MAPK10: variants seen among roughly 807,000 people sequenced by gnomAD.
The protein encoded by MAPK10 is mitogen-activated protein kinase 10.
Under a neutral mutation model 59.3 loss-of-function variants are expected in MAPK10, and 25 were observed. That is an observed-to-expected ratio of 0.42 (90% CI 0.31 to 0.59). MAPK10 has a LOEUF of 0.59. Ranked by LOEUF, MAPK10 falls within the 20% of genes least tolerant of loss-of-function variation. MAPK10 has a pLI of 0.15. For missense variants in MAPK10, 351 were observed against 568.9 expected (o/e 0.62, Z 3.90); for synonymous variants, 190 against 200.5 (o/e 0.95, Z 0.44).
chr4:86,384,328 A>T (rs1741176366), intron 1 of MAPK10: 1 of 152,186 alleles, frequency 6.6e-6, no homozygotes, highest in Non-Finnish European at 1.5e-5. Flanking sequence ...CAGGGCAAAG[A>T]TAATAGCAAG....
chr4:86,290,626 G>T (rs1038199851), intron 2 of MAPK10, among the ~76,000 whole-genome samples: 17 of 152,034 alleles, frequency 1.1e-4, no homozygotes, highest in African/African-American at 4.1e-4. Context: ...AGGGTTTTGG[G>T]TCTCTTTTAT....
At chr4:86,183,294 C>G (rs1040622543) in intron 3 of MAPK10, among the ~76,000 whole-genome samples, 15 of 147,618 alleles carry the variant, frequency 1.0e-4, no homozygotes, top group African/African-American at 3.8e-4. Flanking sequence ...CCCCCCTCCC[C>G]CTACCCCACA....
intron 11 of MAPK10, among the ~76,000 whole-genome samples, chr4:86,049,905 T>C (rs1176010892): frequency 6.6e-6 from 1 of 152,148 alleles, no homozygotes; most frequent in African/African-American, 2.4e-5. Context: ...CTGATTAAAA[T>C]CTGTTCCCCC....
At chr4:86,140,755 G>T (rs549314342) in intron 4 of MAPK10, among the ~76,000 whole-genome samples, 27 of 151,970 alleles carry the variant, frequency 1.8e-4, no homozygotes, top group African/African-American at 6.5e-4. Flanking sequence ...ACACATACAT[G>T]TGTATGCACA....
chr4:86,538,325 T>G (rs1758409200), intron 1 of MAPK10, among the ~76,000 whole-genome samples: 1 of 152,094 alleles, frequency 6.6e-6, no homozygotes, highest in Admixed American at 6.5e-5. Flanking sequence ...TTTGTGTTTT[T>G]AGTAGAGATG....
intron 4 of MAPK10, among the ~76,000 whole-genome samples, chr4:86,156,995 T>A (rs1327479823): frequency 3.3e-5 from 5 of 151,684 alleles, no homozygotes; most frequent in Admixed American, 2.0e-4. Context: ...AAAATTTTCA[T>A]TTTTTTCCAA....
chr4:86,576,002 T>C (rs1578159872), intron 1 of MAPK10, among the ~76,000 whole-genome samples: 1 of 149,122 alleles, frequency 6.7e-6, no homozygotes, highest in South Asian at 2.1e-4. Flanking sequence ...TGTATGCGTG[T>C]GTGTGTGTGT....
chr4:86,418,893 C>A (rs1458544724), intron 1 of MAPK10, among the ~76,000 whole-genome samples: 2 of 152,110 alleles, frequency 1.3e-5, no homozygotes, highest in African/African-American at 4.8e-5. Flanking sequence ...AGTTGGAGAC[C>A]ACTATTCTAA....
intron 1 of MAPK10, among the ~76,000 whole-genome samples, chr4:86,449,333 CT>C (rs1168968196): frequency 6.6e-6 from 1 of 152,172 alleles, no homozygotes; most frequent in Non-Finnish European, 1.5e-5. Flanking sequence ...CTACAAATGT[CT>C]TTATGGTCAT....
Position 86,102,117 on chromosome 4 carries a change from G to C in MAPK10, c.426-85C>G, listed in dbSNP as rs1319270646. 3 of 1,232,254 alleles carry C rather than the reference G, an allele frequency of 2.4e-6. No individual in the cohort carries two copies. In the African/African-American group the frequency reaches 4.5e-5, roughly 18 times the overall value. 76.3% of individuals were successfully genotyped at this position (1,232,254 alleles called of 1,614,324 possible). A position where few individuals can be genotyped will look rare whatever the true frequency, so the allele number is the denominator to read the frequency against. Reference sequence around the variant, plus strand: ...TTAGTCAGAATGCTCTCCTAACTCTGTAAGTCTTCTGAACTTCTTAGCTCT... The same window carrying C: ...TTAGTCAGAATGCTCTCCTAACTCTCTAAGTCTTCTGAACTTCTTAGCTCT... On this transcript the variant is annotated intron_variant, in intron 6 of 13. Transcript: ENST00000641462.
At chr4:86,431,294 T>C (rs1220113689) in intron 1 of MAPK10, among the ~76,000 whole-genome samples, 2 of 152,168 alleles carry the variant, frequency 1.3e-5, no homozygotes, top group Admixed American at 6.5e-5. Context: ...AACAGTTTAA[T>C]AAAAAGGATA....
At chr4:86,581,676 TTGTGTGTG>T (rs56210798) in intron 1 of MAPK10, among the ~76,000 whole-genome samples, 9 of 136,824 alleles carry the variant, frequency 6.6e-5, no homozygotes, top group Admixed American at 1.5e-4. Flanking sequence ...TTTTCAGTTA[TTGTGTGTG>T]TGTGTGTGTG....
chr4:86,119,015 A>G (rs2058755297), intron 4 of MAPK10, among the ~76,000 whole-genome samples: 1 of 152,092 alleles, frequency 6.6e-6, no homozygotes, highest in African/African-American at 2.4e-5. Context: ...CTCCTCAGAG[A>G]GGCTTTTTTT....
intron 1 of MAPK10, among the ~76,000 whole-genome samples, chr4:86,395,676 T>G (rs1230552814): frequency 6.6e-6 from 1 of 152,130 alleles, no homozygotes; most frequent in African/African-American, 2.4e-5. Flanking sequence ...AGGAGAGATA[T>G]TCATTTCTCA....
chr4:86,520,706 A>C (rs1757050489), intron 1 of MAPK10, among the ~76,000 whole-genome samples: 1 of 152,138 alleles, frequency 6.6e-6, no homozygotes, highest in South Asian at 2.1e-4. Context: ...TCATATGAAC[A>C]GTTACTTTTT....
At chr4:86,447,204 T>C (rs1750147971) in intron 1 of MAPK10, among the ~76,000 whole-genome samples, 1 of 152,154 alleles carries the variant, frequency 6.6e-6, no homozygotes, top group South Asian at 2.1e-4. Flanking sequence ...GCTGTTCTTG[T>C]GATCGTGAGA....
rs184650432 is a variant in MAPK10 at position 86,055,863 on chromosome 4, A to G, written c.1110+8403T>C. On this transcript the variant is annotated intron_variant, in intron 11 of 13. Coordinates refer to ENST00000641462, the MANE Select transcript of MAPK10 (RefSeq NM_138982.4). ...TCTGCCACTTGAGAGTTGCTATTAAATTTTATATAATAAACTTCACTTGCA... is the reference window on the plus strand; with the variant it reads ...TCTGCCACTTGAGAGTTGCTATTAAGTTTTATATAATAAACTTCACTTGCA... Among the ~76,000 whole-genome samples the G allele has an allele frequency of 3.0e-4, 45 of 150,186 alleles. 2 individuals carry two copies. The highest frequency in any genetic ancestry group is 5.3e-4 in the Admixed American group (8 of 15,160).
intron 1 of MAPK10, chr4:86,384,207 T>C (rs1741152342): frequency 6.6e-6 from 1 of 152,178 alleles, no homozygotes; most frequent in Admixed American, 6.5e-5. Flanking sequence ...GCCATCTGTG[T>C]GCCAGGTGCT....
intron 2 of MAPK10, among the ~76,000 whole-genome samples, chr4:86,210,863 CA>C (rs1219271545): frequency 2.0e-5 from 3 of 149,112 alleles, no homozygotes; most frequent in African/African-American, 7.4e-5. Flanking sequence ...AACATATTAA[CA>C]ATAAAAATAT....
Sources: gnomAD v4.1 joint callset for allele counts (sites outside exome capture counted in the v4.1 genomes callset) on GRCh38, gnomAD v4.1.1 for gene constraint, MANE v1.5 for transcripts, NCBI Gene and HGNC (gene_info 2026-07-23, HGNC 2026-07-21) for gene names.